PDE11A: variants seen among roughly 807,000 people sequenced by gnomAD.
The protein encoded by PDE11A is phosphodiesterase 11A, also known as dual 3',5'-cyclic-AMP and -GMP phosphodiesterase 11A.
Under a neutral mutation model 100.5 loss-of-function variants are expected in PDE11A, and 100 were observed. That is an observed-to-expected ratio of 1.00 (90% CI 0.85 to 1.18). The LOEUF (loss-of-function observed/expected upper bound fraction) is 1.18. Among genes scored for constraint, PDE11A ranks in the 50% most tolerant of loss-of-function variants. The pLI is 0.00. For missense variants in PDE11A, 1,141 were observed against 1,152.6 expected, an observed-to-expected ratio of 0.99 and a Z score of 0.15; for synonymous variants, 381 against 420.8, an observed-to-expected ratio of 0.91 and a Z score of 1.16.
chr2:178,012,903 C>T (rs541856530), intron 2 of PDE11A, among the ~76,000 whole-genome samples: 95 of 152,296 alleles, frequency 6.2e-4, no homozygotes, highest in African/African-American at 2.2e-3. Context: ...GTATAAGAGG[C>T]ACATCATCTC....
chr2:177,860,038 C>T (rs1010793252), intron 5 of PDE11A, among the ~76,000 whole-genome samples: 70 of 151,810 alleles, frequency 4.6e-4, no homozygotes, highest in African/African-American at 1.6e-3. Context: ...TCAATAACCT[C>T]ACCCTCCACC....
intron 2 of PDE11A, among the ~76,000 whole-genome samples, chr2:178,013,270 A>G (rs2086293374): frequency 6.6e-6 from 1 of 152,158 alleles, no homozygotes. Context: ...TAGGATCCCA[A>G]TACAAGTGCC....
chr2:177,709,070 G>C (rs565282787), intron 13 of PDE11A, among the ~76,000 whole-genome samples: 1 of 152,170 alleles, frequency 6.6e-6, no homozygotes, highest in Admixed American at 6.5e-5. Context: ...GTGCTTCTTG[G>C]AGTCCCTGTG....
chr2:177,870,047 T>C (rs1053562869), intron 5 of PDE11A, among the ~76,000 whole-genome samples: 3 of 152,226 alleles, frequency 2.0e-5, no homozygotes, highest in African/African-American at 7.2e-5. Flanking sequence ...CCTCTTGTTT[T>C]GAAATTTATT....
intron 9 of PDE11A, among the ~76,000 whole-genome samples, chr2:177,812,398 G>T (rs2082962443): frequency 1.3e-5 from 2 of 152,050 alleles, no homozygotes; most frequent in Admixed American, 1.3e-4. Context: ...GATAAAGTTA[G>T]CAACCTCCTT....
rs572044296 is a variant in PDE11A at position 177,886,645 on chromosome 2, G to C, written c.1303-10722C>G. ...TTTCAGGAATTATTCTAATAAAATA[G>C]AAATAAAACTTACTTTTGGAGGGAG... On this transcript the variant is annotated intron_variant, in intron 4 of 19. Coordinates refer to ENST00000286063, the MANE Select transcript of PDE11A (RefSeq NM_016953.4). 2.0e-5 allele frequency among the ~76,000 whole-genome samples: 3 copies of C among 152,196 alleles called. No individual in the cohort carries two copies. In the East Asian group the frequency reaches 5.8e-4, roughly 29 times the overall value.
At chr2:177,998,572 G>C in intron 2 of PDE11A, 1 of 1,299,668 alleles carries the variant, frequency 7.7e-7, no homozygotes, top group South Asian at 1.2e-5. Context: ...AGGTCTAACT[G>C]TGCATTGATA....
intron 19 of PDE11A, among the ~76,000 whole-genome samples, chr2:177,641,810 T>C (rs1167194689): frequency 2.0e-5 from 3 of 152,224 alleles, no homozygotes; most frequent in Non-Finnish European, 2.9e-5. Flanking sequence ...TTTTGTGTTA[T>C]TTGCAGAAGT....
intron 4 of PDE11A, among the ~76,000 whole-genome samples, chr2:177,895,067 A>G (rs141261476): frequency 0.01 from 1,543 of 152,236 alleles, 31 homozygotes; most frequent in African/African-American, 0.036. Context: ...TTGGCTCAGA[A>G]TAAGCCTGTT....
intron 13 of PDE11A, among the ~76,000 whole-genome samples, chr2:177,708,246 AT>A (rs2081309537): frequency 6.6e-6 from 1 of 152,012 alleles, no homozygotes; most frequent in Middle Eastern, 3.4e-3. Context: ...ATTTGATTGA[AT>A]TTTAAAAAAT....
chr2:177,953,118 G>T (rs1270465759), intron 2 of PDE11A: 1 of 152,080 alleles, frequency 6.6e-6, no homozygotes, highest in Non-Finnish European at 1.5e-5. Context: ...CTCAGGTGTA[G>T]AAATTTTATA....
At chr2:177,688,312 C>A (rs866828199) in intron 15 of PDE11A, 1 of 152,186 alleles carries the variant, frequency 6.6e-6, no homozygotes, top group Admixed American at 6.5e-5. Flanking sequence ...GTATTTCTGA[C>A]CTTCTCCCTA....
intron 2 of PDE11A, among the ~76,000 whole-genome samples, chr2:177,935,462 CT>C (rs1369783476): frequency 6.6e-6 from 1 of 152,188 alleles, no homozygotes; most frequent in African/African-American, 2.4e-5. Flanking sequence ...CAAGGTAGTG[CT>C]TTTGCTTTTA....
intron 2 of PDE11A, among the ~76,000 whole-genome samples, chr2:177,935,762 T>C (rs1415074518): frequency 1.3e-5 from 2 of 152,312 alleles, no homozygotes; most frequent in East Asian, 3.9e-4. Context: ...GGCCCAGCTC[T>C]GACTATAACA....
chr2:177,673,977 T>A (rs542019333), intron 17 of PDE11A, among the ~76,000 whole-genome samples: 1 of 152,316 alleles, frequency 6.6e-6, no homozygotes, highest in South Asian at 2.1e-4. Context: ...CAACCCTAGG[T>A]GCCCATGTTC....
At chr2:177,759,173 G>GCACACACACACA (rs10541503) in intron 10 of PDE11A, among the ~76,000 whole-genome samples, 28 of 147,518 alleles carry the variant, frequency 1.9e-4, no homozygotes, top group African/African-American at 5.8e-4. Context: ...TGGAGCACGT[G>GCACACACACACA]CACACACACA....
In PDE11A at chr2:177,875,864, C is replaced by T. The variant is rs769017439; in HGVS notation, c.1362G>A (p.Glu454=). The change falls in exon 5 of 20, where the codon GAG becomes GAA. Residue 454 remains glutamate (E), a synonymous_variant. Coordinates refer to ENST00000286063, the MANE Select transcript of PDE11A (RefSeq NM_016953.4). ...LMSPKCSADA[E]NSFKESMEKS... The stretch of plus-strand genomic sequence containing the variant: ...ATGAACCCCACAAGCCCTACCTGTT[C>T]TCAGCATCAGCACTGCACTTTGGGG... 3.1e-6 allele frequency: 5 copies of T among 1,608,900 alleles called. No individual in the cohort carries two copies. The South Asian group carries it at 5.5e-5, about 18-fold the overall frequency.
chr2:177,708,258 GT>G (rs2081310101), intron 13 of PDE11A, among the ~76,000 whole-genome samples: 1 of 152,138 alleles, frequency 6.6e-6, no homozygotes, highest in Non-Finnish European at 1.5e-5. Context: ...TTTAAAAAAT[GT>G]GGTATATATA....
At chr2:177,945,876 G>C (rs1299913569) in intron 2 of PDE11A, among the ~76,000 whole-genome samples, 117 of 143,780 alleles carry the variant, frequency 8.1e-4, no homozygotes, top group Non-Finnish European at 1.1e-3. Context: ...GGAGGGAGGT[G>C]GGGGGGTCAG....
Sources: gnomAD v4.1 joint callset for allele counts (sites outside exome capture counted in the v4.1 genomes callset) on GRCh38, gnomAD v4.1.1 for gene constraint, MANE v1.5 for transcripts, NCBI Gene and HGNC (gene_info 2026-07-23, HGNC 2026-07-21) for gene names.